Variants in SIL1 observed in about 807,000 individuals in gnomAD.
The protein encoded by SIL1 is SIL1 nucleotide exchange factor.
A neutral mutation model predicts 49.1 loss-of-function variants in SIL1; 40 were observed. That is an observed-to-expected ratio of 0.81 (90% confidence interval 0.63 to 1.06). The LOEUF (loss-of-function observed/expected upper bound fraction) is 1.06, where lower values mean the gene tolerates loss of function less well. Among genes scored for constraint, SIL1 ranks in the 50% least tolerant of loss-of-function variants. The pLI is 0.00. For missense variants in SIL1, 500 were observed against 572.6 expected, an observed-to-expected ratio of 0.87 and a Z score of 1.29; for synonymous variants, 253 against 250.8, an observed-to-expected ratio of 1.01 and a Z score of -0.08.
chr5:139,042,276 G>T (rs1159491117), intron 5 of SIL1, among the ~76,000 whole-genome samples: 1 of 152,160 alleles, frequency 6.6e-6, no homozygotes, highest in Non-Finnish European at 1.5e-5. Flanking sequence ...TGTAAGTGAG[G>T]CAGAGATCTG....
intron 3 of SIL1, among the ~76,000 whole-genome samples, chr5:139,074,122 T>A (rs559500177): frequency 3.4e-4 from 52 of 152,336 alleles, no homozygotes; most frequent in Non-Finnish European, 2.8e-4. Context: ...AGTAGTGCAA[T>A]CACAGCTCAC....
intron 1 of SIL1, among the ~76,000 whole-genome samples, chr5:139,157,486 CA>C (rs1395218670): frequency 1.3e-5 from 2 of 152,168 alleles, no homozygotes; most frequent in East Asian, 3.8e-4. Flanking sequence ...TGGAAGTTTT[CA>C]GGATGAGTGT....
At chr5:139,175,581 C>T (rs900665181) in intron 1 of SIL1, among the ~76,000 whole-genome samples, 1 of 152,232 alleles carries the variant, frequency 6.6e-6, no homozygotes, top group Non-Finnish European at 1.5e-5. Context: ...CAAACTTTTC[C>T]AAAACATTGA....
chr5:139,177,832 T>C (rs1751916355), intron 1 of SIL1, among the ~76,000 whole-genome samples: 2 of 152,210 alleles, frequency 1.3e-5, no homozygotes, highest in South Asian at 4.1e-4. Context: ...CAGACATTGG[T>C]TGCTGCCAAG....
At chr5:139,047,989 G>C (rs576447008) in intron 4 of SIL1, among the ~76,000 whole-genome samples, 3 of 152,314 alleles carry the variant, frequency 2.0e-5, no homozygotes, top group African/African-American at 7.2e-5. Flanking sequence ...ATTCGTAAAA[G>C]ATATGAGTAA....
At chr5:139,089,639 T>C (rs879774738) in intron 3 of SIL1, among the ~76,000 whole-genome samples, 1 of 152,250 alleles carries the variant, frequency 6.6e-6, no homozygotes, top group Non-Finnish European at 1.5e-5. Flanking sequence ...CATGAAGTAT[T>C]GATACATGCT....
chr5:139,028,033 T>C (rs1241428195), intron 5 of SIL1, among the ~76,000 whole-genome samples: 1 of 152,156 alleles, frequency 6.6e-6, no homozygotes, highest in Non-Finnish European at 1.5e-5. Flanking sequence ...ATACTCTCCC[T>C]GCACCCAGCT....
chr5:139,185,840 A>G, intron 1 of SIL1, among the ~76,000 whole-genome samples: 1 of 152,240 alleles, frequency 6.6e-6, no homozygotes, highest in East Asian at 1.9e-4. Flanking sequence ...AGGGACTATG[A>G]AAAAAATGAG....
At chr5:139,034,275 T>C (rs1768855449) in intron 5 of SIL1, 1 of 152,166 alleles carries the variant, frequency 6.6e-6, no homozygotes. Flanking sequence ...ATCTGTTTAA[T>C]TGGTATATTT....
intron 7 of SIL1, among the ~76,000 whole-genome samples, chr5:139,007,369 A>G (rs1330170810): frequency 1.4e-3 from 191 of 137,532 alleles, no homozygotes; most frequent in African/African-American, 5.4e-3. Context: ...GGCTGAGACA[A>G]TGGGGTTTTC....
chr5:139,112,703 C>G (rs1287962679), intron 3 of SIL1, among the ~76,000 whole-genome samples: 1 of 149,004 alleles, frequency 6.7e-6, no homozygotes, highest in Non-Finnish European at 1.5e-5. Flanking sequence ...GCCCGGCCGC[C>G]GCCCCGTGCG....
intron 7 of SIL1, among the ~76,000 whole-genome samples, chr5:138,986,284 C>T (rs556798327): frequency 2.4e-4 from 36 of 152,362 alleles, no homozygotes; most frequent in South Asian, 2.1e-3. Flanking sequence ...CAGCTCTCTG[C>T]TGCCCTTCCC....
intron 7 of SIL1, 51 bp from the exon 8 acceptor site, chr5:138,951,935 G>A (rs376625839): frequency 8.9e-5 from 134 of 1,499,838 alleles, no homozygotes; most frequent in East Asian, 6.8e-4. Flanking sequence ...CCCAGGGATC[G>A]GATGGTCAGG....
At chr5:139,183,434 A>G (rs1302738443) in intron 1 of SIL1, among the ~76,000 whole-genome samples, 1 of 152,054 alleles carries the variant, frequency 6.6e-6, no homozygotes, top group Non-Finnish European at 1.5e-5. Flanking sequence ...GACCTTCCAC[A>G]CCCATGATGT....
At chr5:139,070,833 C>G (rs1769815789) in intron 3 of SIL1, among the ~76,000 whole-genome samples, 1 of 152,142 alleles carries the variant, frequency 6.6e-6, no homozygotes, top group Non-Finnish European at 1.5e-5. Context: ...AAACATTTAT[C>G]CTGTCTTTCC....
chr5:139,089,114 T>C (rs1490427054), intron 3 of SIL1, among the ~76,000 whole-genome samples: 1 of 152,208 alleles, frequency 6.6e-6, no homozygotes, highest in Admixed American at 6.5e-5. Flanking sequence ...AACACTGTCT[T>C]AGAAAGGAGG....
At chr5:139,143,649 G>C (rs1751137236) in intron 1 of SIL1, among the ~76,000 whole-genome samples, 1 of 151,830 alleles carries the variant, frequency 6.6e-6, no homozygotes, top group Admixed American at 6.6e-5. Flanking sequence ...TGGGATTACG[G>C]GCATAAGCCA....
intron 3 of SIL1, among the ~76,000 whole-genome samples, chr5:139,057,065 A>G (rs1371828837): frequency 1.9e-4 from 29 of 152,210 alleles, no homozygotes; most frequent in Admixed American, 1.4e-3. Flanking sequence ...ACTCAGGGTT[A>G]AATGGATTAA....
At chr5:139,139,356 G>A (rs1393547261) in intron 1 of SIL1, among the ~76,000 whole-genome samples, 1 of 152,160 alleles carries the variant, frequency 6.6e-6, no homozygotes, top group Non-Finnish European at 1.5e-5. Flanking sequence ...TTCCCCTGAT[G>A]TCTCTAAGCT....
Sources: allele counts gnomAD v4.1 joint callset (sites outside exome capture counted in the v4.1 genomes callset), GRCh38; gene constraint gnomAD v4.1.1; transcripts MANE v1.5; gene names NCBI Gene and HGNC (gene_info 2026-07-23, HGNC 2026-07-21).